FAM20C: variants seen among roughly 807,000 people sequenced by gnomAD.
FAM20C encodes extracellular serine/threonine protein kinase FAM20C.
In FAM20C, 40 loss-of-function variants were observed where a neutral mutation model predicts 51.5. That is an observed-to-expected ratio of 0.78 (90% CI 0.60 to 1.01). FAM20C has a LOEUF of 1.01. Ranked by LOEUF, FAM20C falls within the 50% of genes least tolerant of loss-of-function variation. FAM20C has a pLI of 0.00. For missense variants in FAM20C, 861 were observed against 844.7 expected (o/e 1.02, Z -0.24); for synonymous variants, 406 against 380.6 (o/e 1.07, Z -0.78).
intron 3 of FAM20C, among the ~76,000 whole-genome samples, chr7:211,716 G>T (rs1786723953): frequency 1.3e-5 from 2 of 152,214 alleles, no homozygotes; most frequent in Non-Finnish European, 2.9e-5. Flanking sequence ...CCGGGTTACA[G>T]CATAGCCAGG....
At chr7:232,366 G>A (rs55712931) in intron 3 of FAM20C, among the ~76,000 whole-genome samples, 11 of 152,280 alleles carry the variant, frequency 7.2e-5, no homozygotes, top group African/African-American at 1.7e-4. Context: ...GGGACATCCC[G>A]TGGCTCCACA....
At chr7:195,452 G>T in intron 1 of FAM20C, 102 bp from the exon 2 acceptor site, 1 of 1,206,614 alleles carries the variant, frequency 8.3e-7, no homozygotes. Context: ...GCACTTGCTT[G>T]AACCCAAAGT....
chr7:210,747 C>T (rs1210884128), intron 3 of FAM20C, among the ~76,000 whole-genome samples: 2 of 152,158 alleles, frequency 1.3e-5, no homozygotes, highest in African/African-American at 4.8e-5. Context: ...GCCAGCTTGT[C>T]CGGCCCCTAT....
intron 3 of FAM20C, among the ~76,000 whole-genome samples, chr7:211,458 G>C (rs1234224935): frequency 1.3e-5 from 2 of 150,722 alleles, no homozygotes; most frequent in African/African-American, 4.9e-5. Flanking sequence ...CCCCCACCGT[G>C]ATGGGCACCC....
intron 4 of FAM20C, 30 bp downstream of exon 4, chr7:246,537 G>GACAGGTGAGC: frequency 1.7e-4 from 252 of 1,459,324 alleles, no homozygotes; most frequent in Admixed American, 2.4e-4. Context: ...CTCCATCCGC[G>GACAGGTGAGC]CTCCCGTGCG....
At chr7:253,220 G>A (rs1788466609) in intron 5 of FAM20C, among the ~76,000 whole-genome samples, 1 of 152,226 alleles carries the variant, frequency 6.6e-6, no homozygotes, top group East Asian at 1.9e-4. Flanking sequence ...CGGGCCCGCA[G>A]CTGTCCAGGG....
chr7:258,034 C>CT (rs1314905809), intron 8 of FAM20C, among the ~76,000 whole-genome samples: 48 of 92,196 alleles, frequency 5.2e-4, no homozygotes, highest in East Asian at 2.8e-3. Context: ...GACCCACTGC[C>CT]CGGGTGCTGG....
In FAM20C at chr7:257,976, T is replaced by TG. The variant is rs1264707001; in HGVS notation, c.1446-670_1446-669insG. Among the ~76,000 whole-genome samples, 5 of 90,398 alleles carry TG rather than the reference T, an allele frequency of 5.5e-5. 1 individual carries two copies. The highest frequency in any genetic ancestry group is 1.4e-4 in the African/African-American group (3 of 21,114). 59.3% of individuals were successfully genotyped at this position (90,398 alleles called of 152,430 possible). A position where few individuals can be genotyped will look rare whatever the true frequency, so the allele number is the denominator to read the frequency against. ...GACCCACTGCCTGAGGTGCTGGAGA[T>TG]AGGCAGTGTGGACCCACTGCCTGGG... On this transcript the variant is annotated intron_variant, in intron 8 of 9. Transcript: ENST00000313766.
chr7:216,711 G>T (rs1453458327), intron 3 of FAM20C, among the ~76,000 whole-genome samples: 1 of 151,184 alleles, frequency 6.6e-6, no homozygotes, highest in Non-Finnish European at 1.5e-5. Flanking sequence ...GACAGAGTGT[G>T]TGTGTGTGTG....
rs562310548 is a variant in FAM20C, at chr7:255,883, C to T, written c.1107C>T (p.Tyr369=). 71 of 1,536,460 alleles carry T rather than the reference C, an allele frequency of 4.6e-5. 2 individuals carry two copies. The highest frequency in any genetic ancestry group is 4.2e-4 in the South Asian group (35 of 84,056). The change falls in exon 6 of 10, where the codon TAC becomes TAT. Residue 369 remains tyrosine, a synonymous_variant. Transcript: ENST00000313766. ...NNICFYGECS[Y]YCSTEHALCG... ...TCTGCTTCTACGGCGAGTGTTCCTA[C>T]TACTGCTCCACGGAGCACGCCCTGT...
chr7:196,753 C>T (rs1321754198), intron 2 of FAM20C, among the ~76,000 whole-genome samples: 8 of 152,224 alleles, frequency 5.3e-5, no homozygotes, highest in Non-Finnish European at 1.0e-4. Context: ...CTCCTGAGCT[C>T]TTCGGGGCTG....
At chr7:259,100 C>T (rs951966577) in intron 9 of FAM20C, among the ~76,000 whole-genome samples, 14 of 152,220 alleles carry the variant, frequency 9.2e-5, no homozygotes, top group East Asian at 3.9e-4. Flanking sequence ...TGGCTGGGGA[C>T]GCAGGCTTGC....
chr7:213,269 G>A (rs1320274939), intron 3 of FAM20C, among the ~76,000 whole-genome samples: 2 of 150,842 alleles, frequency 1.3e-5, no homozygotes, highest in East Asian at 3.9e-4. Flanking sequence ...AGTTCTTTGT[G>A]AGTGACATGG....
At chr7:203,970 TTATCTTAC>T (rs1786239203) in intron 2 of FAM20C, among the ~76,000 whole-genome samples, 1 of 152,210 alleles carries the variant, frequency 6.6e-6, no homozygotes, top group Non-Finnish European at 1.5e-5. Context: ...CACTTCGTTA[TTATCTTAC>T]TAAAAAATGT....
chr7:256,516 C>T (rs150962781), intron 6 of FAM20C, 138 bp from the exon 7 acceptor site: 2 of 701,666 alleles, frequency 2.9e-6, no homozygotes, highest in Non-Finnish European at 4.9e-6. Context: ...CTAATGCAGC[C>T]TCAGCGCCGC....
chr7:228,202 G>A (rs924919791), intron 3 of FAM20C: 6 of 330,124 alleles, frequency 1.8e-5, no homozygotes, highest in African/African-American at 6.5e-5. Context: ...GATGAGGCCC[G>A]TGGCCAATCA....
rs1318146190 is a variant in FAM20C at position 192,668 on chromosome 7, C to G, written c.-532C>G. Among the ~76,000 whole-genome samples, 1 of 145,416 alleles carries G rather than the reference C, an allele frequency of 6.9e-6. No homozygotes were observed. Among genetic ancestry groups the G allele is most frequent in the East Asian group, 2.1e-4 (1 of 4,876 alleles). On this transcript the variant is annotated 5_prime_UTR_variant, in exon 1 of 10. Transcript: ENST00000313766. ...CCGCGCCCACCCCTTCCGCCCTTCG[C>G]CCCCCCCTTCCCCCCAGCCCCGGTC...
chr7:259,937 A>G lies in FAM20C; in HGVS notation c.1712A>G (p.Asp571Gly), dbSNP rs1788816033. The stretch of plus-strand genomic sequence containing the variant: ...AGGAACGGGCTCCACAGCGTGGTGG[A>G]TGACGACCTGGACACTGAGCACAGA... Reference protein sequence around the residue: ...VERNGLHSVVDDDLDTEHRAA... With the variant: ...VERNGLHSVVGDDLDTEHRAA... Residue 571 changes from aspartate to glycine, a missense_variant, in exon 10 of 10, where the codon GAT (aspartate) becomes GGT (glycine). Transcript: ENST00000313766. The G allele has an allele frequency of 6.5e-7, 1 of 1,531,354 alleles. No individual in the cohort carries two copies. The highest frequency in any genetic ancestry group is 1.2e-5 in the South Asian group (1 of 83,912). The allele number at this position is 1,531,354 out of a possible 1,614,324, so 94.9% of individuals were successfully genotyped here.
In FAM20C at chr7:260,047, G is replaced by C; in HGVS notation, c.*67G>C. On this transcript the variant is annotated 3_prime_UTR_variant, in exon 10 of 10. Transcript: ENST00000313766. ...GCCGGACCTCCCAGCAAGCGCATGCGCCCGTCGTGAATTCAGTGAATTCAG... is the reference window on the plus strand; with the variant it reads ...GCCGGACCTCCCAGCAAGCGCATGCCCCCGTCGTGAATTCAGTGAATTCAG... The C allele has an allele frequency of 7.0e-7, 1 of 1,435,702 alleles. No homozygotes were observed. The highest frequency in any genetic ancestry group is 9.1e-7 in the Non-Finnish European group (1 of 1,093,144). 88.9% of individuals were successfully genotyped at this position (1,435,702 alleles called of 1,614,324 possible).
Sources: gnomAD v4.1 joint callset for allele counts (sites outside exome capture counted in the v4.1 genomes callset) on GRCh38, gnomAD v4.1.1 for gene constraint, MANE v1.5 for transcripts, NCBI Gene and HGNC (gene_info 2026-07-23, HGNC 2026-07-21) for gene names.